Variants in MYCT1 observed in about 807,000 individuals in gnomAD.
MYCT1 encodes MYC target 1, also known as myc target protein 1.
MYCT1 carries 12 observed loss-of-function variants against 15.0 expected under a neutral mutation model. That is an observed-to-expected ratio of 0.80 (90% CI 0.51 to 1.29). The LOEUF (loss-of-function observed/expected upper bound fraction) is 1.29, where lower values mean the gene tolerates loss of function less well. Ranked by LOEUF, MYCT1 falls within the 50% of genes most tolerant of loss-of-function variation. The pLI is 0.00. For synonymous variants in MYCT1, 104 were observed against 102.7 expected (o/e 1.01, Z -0.07); for missense variants, 287 against 279.1 (o/e 1.03, Z -0.20).
At chr6:152,741,686 T>G in the MYCT1 span, among the ~76,000 whole-genome samples, 3 of 152,204 alleles carry the variant, frequency 2.0e-5, no homozygotes, top group Admixed American at 1.3e-4. Flanking sequence ...CCTTTTCTGT[T>G]GTGAAGTTAC....
chr6:152,705,428 T>C (rs1231021336), intron 1 of MYCT1, among the ~76,000 whole-genome samples: 1 of 152,108 alleles, frequency 6.6e-6, no homozygotes, highest in Non-Finnish European at 1.5e-5. Context: ...AAATCCCAAA[T>C]CTAACCATGG....
chr6:152,729,712 G>A, the MYCT1 span, among the ~76,000 whole-genome samples: 3 of 152,138 alleles, frequency 2.0e-5, no homozygotes, highest in African/African-American at 7.2e-5. Flanking sequence ...TTATCCAGTT[G>A]GTGTGCTGAA....
the MYCT1 span, among the ~76,000 whole-genome samples, chr6:152,736,846 T>C: frequency 6.6e-6 from 1 of 152,144 alleles, no homozygotes; most frequent in African/African-American, 2.4e-5. Flanking sequence ...TTGTACTTCC[T>C]CTTAAGAAAG....
chr6:152,707,177 T>A (rs139736249), intron 1 of MYCT1, among the ~76,000 whole-genome samples: 1 of 152,080 alleles, frequency 6.6e-6, no homozygotes, highest in Admixed American at 6.6e-5. Context: ...TTATCTTTTG[T>A]CTTTTTGATA....
chr6:152,706,395 GC>G (rs2099722257), intron 1 of MYCT1, among the ~76,000 whole-genome samples: 1 of 152,174 alleles, frequency 6.6e-6, no homozygotes, highest in Non-Finnish European at 1.5e-5. Flanking sequence ...GAGTACAAGA[GC>G]CACGTACAAT....
At chr6:152,706,584 T>C (rs1565391233) in intron 1 of MYCT1, among the ~76,000 whole-genome samples, 1 of 152,116 alleles carries the variant, frequency 6.6e-6, no homozygotes, top group African/African-American at 2.4e-5. Flanking sequence ...TAATAAAAGT[T>C]TGTTTAAAGT....
rs1185157429 is a variant in MYCT1, at chr6:152,722,369, T to C, written c.*116T>C. 6 of 1,033,992 alleles carry C rather than the reference T, an allele frequency of 5.8e-6. No homozygotes were observed. The highest frequency in any genetic ancestry group is 5.5e-5 in the Admixed American group (2 of 36,660). 64.1% of individuals were successfully genotyped at this position (1,033,992 alleles called of 1,614,324 possible). On this transcript the variant is annotated 3_prime_UTR_variant, in exon 2 of 2. Transcript: ENST00000367245. ...GCCCAAATAACTCATGAGTTCCAAG[T>C]TGAAACATGGTTGTGCAAGTTGGAC...
Position 152,702,178 on chromosome 6 carries a change from A to G in MYCT1, c.196+4080A>G, listed in dbSNP as rs567447757. ...TATAGCTCTTCTCTTTGTCTCCCCA[A>G]AGCTCCTCCTCTTTAGATGCATGGA... On this transcript the variant is annotated intron_variant, in intron 1 of 1. Coordinates refer to ENST00000367245, the MANE Select transcript of MYCT1 (RefSeq NM_025107.3). Among the ~76,000 whole-genome samples, 7 of 152,064 alleles carry G rather than the reference A, an allele frequency of 4.6e-5. No homozygotes were observed. In the South Asian group the frequency reaches 1.2e-3, roughly 27 times the overall value.
chr6:152,721,068 G>A (rs7770944), intron 1 of MYCT1, among the ~76,000 whole-genome samples: 55,116 of 151,992 alleles, frequency 0.36, 10,438 homozygotes, highest in East Asian at 0.43. Context: ...TCACAAGGGC[G>A]TAACAGAAGC....
the MYCT1 span, among the ~76,000 whole-genome samples, chr6:152,740,393 C>T: frequency 2.0e-5 from 3 of 152,134 alleles, no homozygotes; most frequent in African/African-American, 7.2e-5. Flanking sequence ...AGCATGATAA[C>T]TTCCATTTCA....
At chr6:152,720,402 C>G (rs1035863283) in intron 1 of MYCT1, among the ~76,000 whole-genome samples, 18 of 152,042 alleles carry the variant, frequency 1.2e-4, no homozygotes, top group Non-Finnish European at 2.6e-4. Flanking sequence ...ATGGGAGGAA[C>G]AGCAAAACGT....
At chr6:152,746,757 C>A in the MYCT1 span, among the ~76,000 whole-genome samples, 4 of 152,172 alleles carry the variant, frequency 2.6e-5, no homozygotes, top group Admixed American at 6.5e-5. Flanking sequence ...ACATACAACC[C>A]TAATAAAGTT....
intron 1 of MYCT1, among the ~76,000 whole-genome samples, chr6:152,717,074 T>G (rs541209301): frequency 6.6e-6 from 1 of 152,262 alleles, no homozygotes; most frequent in East Asian, 1.9e-4. Context: ...ATTACATATA[T>G]GAAAATTTAA....
the MYCT1 span, among the ~76,000 whole-genome samples, chr6:152,744,481 G>A: frequency 0.26 from 39,915 of 151,984 alleles, 7,421 homozygotes; most frequent in African/African-American, 0.53. Flanking sequence ...TTAATAAAGA[G>A]GTAGAATTGA....
chr6:152,723,283 C>T lies in MYCT1; in HGVS notation c.*1030C>T, dbSNP rs1026818813. 1 of 152,120 alleles carries T rather than the reference C, an allele frequency of 6.6e-6. No homozygotes were observed. The highest frequency in any genetic ancestry group is 2.4e-5 in the African/African-American group (1 of 41,420). 9.4% of individuals were successfully genotyped at this position (152,120 alleles called of 1,614,324 possible). ...ACATGATGATTTACCTTTTCTTCACCGTTGTCGTTACATTGTTAGAAAAGC... is the reference window on the plus strand; with the variant it reads ...ACATGATGATTTACCTTTTCTTCACTGTTGTCGTTACATTGTTAGAAAAGC... On this transcript the variant is annotated 3_prime_UTR_variant, in exon 2 of 2. Transcript: ENST00000367245.
At chr6:152,731,805 T>C in the MYCT1 span, among the ~76,000 whole-genome samples, 16 of 150,428 alleles carry the variant, frequency 1.1e-4, no homozygotes, top group African/African-American at 3.7e-4. Flanking sequence ...TGGAGTGCAG[T>C]GGCGCGATAT....
chr6:152,725,108 C>A (rs2099725411), downstream of MYCT1, among the ~76,000 whole-genome samples: 1 of 151,900 alleles, frequency 6.6e-6, no homozygotes, highest in South Asian at 2.1e-4. Flanking sequence ...AAAATATTAA[C>A]AGTTTTGATT....
chr6:152,727,070 G>T (rs537459160), downstream of MYCT1, among the ~76,000 whole-genome samples: 26 of 151,986 alleles, frequency 1.7e-4, no homozygotes, highest in African/African-American at 4.3e-4. Context: ...AATTAGCCAG[G>T]CATGGTGGCG....
intron 1 of MYCT1, among the ~76,000 whole-genome samples, chr6:152,718,187 A>C (rs191946071): frequency 6.6e-6 from 1 of 152,262 alleles, no homozygotes; most frequent in Non-Finnish European, 1.5e-5. Flanking sequence ...GTGCCACAAA[A>C]ATAATCTTTT....
Sources: gnomAD v4.1 joint callset for allele counts (sites outside exome capture counted in the v4.1 genomes callset) on GRCh38, gnomAD v4.1.1 for gene constraint, MANE v1.5 for transcripts, NCBI Gene and HGNC (gene_info 2026-07-23, HGNC 2026-07-21) for gene names.